NTM: variants seen among roughly 807,000 people sequenced by gnomAD.
NTM encodes the protein neurotrimin, also known as IgLON family member 2.
NTM carries 13 observed loss-of-function variants against 42.1 expected under a neutral mutation model. That is an observed-to-expected ratio of 0.31 (90% CI 0.20 to 0.49). The LOEUF (loss-of-function observed/expected upper bound fraction) is 0.49, where lower values mean the gene tolerates loss of function less well. Ranked by LOEUF, NTM falls within the 20% of genes least tolerant of loss-of-function variation. The pLI is 0.99. For missense variants in NTM, 373 were observed against 452.8 expected (o/e 0.82, Z 1.60); for synonymous variants, 187 against 179.2 (o/e 1.04, Z -0.35).
rs1047985986 is a variant in NTM at position 131,795,677 on chromosome 11, G to C, written c.83-115887G>C. The C allele has an allele frequency of 2.8e-5, 28 of 985,296 alleles. No homozygotes were observed. In the African/African-American group the frequency reaches 4.9e-4, roughly 17 times the overall value. The allele number at this position is 985,296 out of a possible 1,614,324, so 61.0% of individuals were successfully genotyped here. A position where few individuals can be genotyped will look rare whatever the true frequency, so the allele number is the denominator to read the frequency against. On this transcript the variant is annotated intron_variant, in intron 1 of 8. Transcript: ENST00000683400. ...GTGCCAGTGCCCATAAGTTCAGGGCGAACAGCAGATATTTACGGCATTTTC... is the reference window on the plus strand; with the variant it reads ...GTGCCAGTGCCCATAAGTTCAGGGCCAACAGCAGATATTTACGGCATTTTC...
At chr11:132,054,520 C>G (rs1373168539) in intron 2 of NTM, among the ~76,000 whole-genome samples, 1 of 152,168 alleles carries the variant, frequency 6.6e-6, no homozygotes, top group African/African-American at 2.4e-5. Flanking sequence ...CTGAAGAGCC[C>G]AGAGCAAATT....
At chr11:131,434,626 C>T (rs117681199) in intron 1 of NTM, among the ~76,000 whole-genome samples, 9,036 of 152,012 alleles carry the variant, frequency 0.059, 361 homozygotes, top group South Asian at 0.099. Flanking sequence ...GCGCACTTTT[C>T]GATGAGGTTG....
chr11:131,422,473 G>A (rs1250635331), intron 1 of NTM, among the ~76,000 whole-genome samples: 1 of 152,160 alleles, frequency 6.6e-6, no homozygotes, highest in East Asian at 1.9e-4. Flanking sequence ...TTTTGATCAG[G>A]CGCAAATTAA....
intron 1 of NTM, among the ~76,000 whole-genome samples, chr11:131,594,278 T>G (rs1422709076): frequency 6.6e-6 from 1 of 152,198 alleles, no homozygotes; most frequent in Non-Finnish European, 1.5e-5. Flanking sequence ...AATACAACTG[T>G]CCTGTACCAA....
chr11:132,045,113 A>G (rs1395553913), intron 2 of NTM, among the ~76,000 whole-genome samples: 1 of 152,248 alleles, frequency 6.6e-6, no homozygotes, highest in East Asian at 1.9e-4. Flanking sequence ...GATGAACATC[A>G]ATGCAAAAAT....
chr11:132,261,265 C>T (rs551625967), intron 4 of NTM, among the ~76,000 whole-genome samples: 1 of 152,280 alleles, frequency 6.6e-6, no homozygotes, highest in South Asian at 2.1e-4. Flanking sequence ...AACATGTCAC[C>T]TCATTTCTCT....
intron 1 of NTM, among the ~76,000 whole-genome samples, chr11:131,859,154 T>C (rs984828706): frequency 6.6e-6 from 1 of 152,192 alleles, no homozygotes; most frequent in Non-Finnish European, 1.5e-5. Flanking sequence ...GAGAGACACA[T>C]CGGGTGTCTT....
chr11:132,154,799 C>A (rs560780973), intron 3 of NTM, among the ~76,000 whole-genome samples: 2 of 152,322 alleles, frequency 1.3e-5, no homozygotes, highest in African/African-American at 4.8e-5. Context: ...ATGTCGCCTG[C>A]AGTAAATAAT....
chr11:131,774,296 T>G (rs1015765424), intron 1 of NTM, among the ~76,000 whole-genome samples: 8 of 152,202 alleles, frequency 5.3e-5, no homozygotes, highest in African/African-American at 1.7e-4. Flanking sequence ...GGCTTCTCCA[T>G]TTCTTCTTTG....
chr11:131,722,244 C>T lies in NTM; in HGVS notation c.83-189320C>T, dbSNP rs148906712. Among the ~76,000 whole-genome samples, 8 of 152,162 alleles carry T rather than the reference C, an allele frequency of 5.3e-5. No homozygotes were observed. In the East Asian group the frequency reaches 5.8e-4, roughly 11 times the overall value. Reference sequence around the variant, plus strand: ...GATTAAATAATGTTCTCAAAGGTTCCGGACCTGTAAACCATCTCACTACAC... The same window carrying T: ...GATTAAATAATGTTCTCAAAGGTTCTGGACCTGTAAACCATCTCACTACAC... On this transcript the variant is annotated intron_variant, in intron 1 of 8. Transcript: ENST00000683400.
intron 3 of NTM, among the ~76,000 whole-genome samples, chr11:132,171,247 C>A (rs940198148): frequency 6.6e-6 from 1 of 152,202 alleles, no homozygotes; most frequent in African/African-American, 2.4e-5. Context: ...CACCTCTGCA[C>A]GTCCTGCCGC....
intron 2 of NTM, among the ~76,000 whole-genome samples, chr11:132,008,033 A>G (rs1299211475): frequency 1.3e-5 from 2 of 152,180 alleles, no homozygotes; most frequent in South Asian, 2.1e-4. Flanking sequence ...AATAAGCCTT[A>G]TACTGTAACA....
At chr11:131,507,486 A>G (rs1352603697) in intron 1 of NTM, among the ~76,000 whole-genome samples, 1 of 152,154 alleles carries the variant, frequency 6.6e-6, no homozygotes, top group Non-Finnish European at 1.5e-5. Context: ...GAAGTCAGGT[A>G]GCGTGATGCC....
At chr11:131,411,587 G>A (rs1321492169) in intron 1 of NTM, among the ~76,000 whole-genome samples, 1 of 127,534 alleles carries the variant, frequency 7.8e-6, no homozygotes, top group African/African-American at 2.9e-5. Context: ...GTGTGTGTGT[G>A]TACTTGAGAG....
chr11:131,943,251 C>T (rs1425622570), intron 2 of NTM, among the ~76,000 whole-genome samples: 1 of 152,174 alleles, frequency 6.6e-6, no homozygotes. Flanking sequence ...TGCTACCATG[C>T]CCCTTCCCCT....
intron 1 of NTM, among the ~76,000 whole-genome samples, chr11:131,649,639 G>C (rs150430184): frequency 6.6e-6 from 1 of 152,288 alleles, no homozygotes; most frequent in East Asian, 1.9e-4. Flanking sequence ...AAACACCGTA[G>C]ATAGTAAACT....
chr11:131,943,472 A>G (rs368795559), intron 2 of NTM, among the ~76,000 whole-genome samples: 8 of 152,250 alleles, frequency 5.3e-5, no homozygotes, highest in Non-Finnish European at 8.8e-5. Context: ...ACGAGTCACC[A>G]CTTTTCCCTG....
At chr11:131,398,752 A>T (rs1156698516) in intron 1 of NTM, among the ~76,000 whole-genome samples, 1 of 152,160 alleles carries the variant, frequency 6.6e-6, no homozygotes, top group East Asian at 1.9e-4. Flanking sequence ...TACTCAGGGG[A>T]AACTGAGGCA....
At chr11:132,026,764 A>G (rs2135590148) in intron 2 of NTM, among the ~76,000 whole-genome samples, 1 of 152,260 alleles carries the variant, frequency 6.6e-6, no homozygotes, top group South Asian at 2.1e-4. Context: ...GGGGAAAGGC[A>G]ATTGTTTCTC....
Sources: gnomAD v4.1 joint callset for allele counts (sites outside exome capture counted in the v4.1 genomes callset) on GRCh38, gnomAD v4.1.1 for gene constraint, MANE v1.5 for transcripts, NCBI Gene and HGNC (gene_info 2026-07-23, HGNC 2026-07-21) for gene names.